LSM14A: variants seen among roughly 807,000 people sequenced by gnomAD.
The protein encoded by LSM14A is protein LSM14 homolog A.
A neutral mutation model predicts 52.4 loss-of-function variants in LSM14A; 14 were observed. The observed-to-expected ratio is 0.27, with a 90% CI of 0.18 to 0.42. The LOEUF (loss-of-function observed/expected upper bound fraction) is 0.42. Ranked by LOEUF, LSM14A falls within the 10% of genes least tolerant of loss-of-function variation. LSM14A has a pLI of 1.00. For synonymous variants in LSM14A, 185 were observed against 200.3 expected, an observed-to-expected ratio of 0.92 and a Z score of 0.64; for missense variants, 417 against 581.8, an observed-to-expected ratio of 0.72 and a Z score of 2.91.
At position 34,184,112 on chromosome 19, in the gene LSM14A, A is replaced by G. The variant is rs558100992; in HGVS notation, c.122-10366A>G. On this transcript the variant is annotated intron_variant, in intron 1 of 9. Transcript: ENST00000544216. The stretch of plus-strand genomic sequence containing the variant: ...CAGTTGTCACCCAGGCTGGAGTGCA[A>G]TGGCGCAATCTTGGCTCACTGCAGC... Among the ~76,000 whole-genome samples the G allele has an allele frequency of 9.9e-4, 148 of 148,774 alleles. 1 individual carries two copies. The highest frequency in any genetic ancestry group is 3.4e-3 in the African/African-American group (137 of 40,316).
intron 2 of LSM14A, 62 bp from the exon 3 acceptor site, chr19:34,196,572 T>C: frequency 6.7e-7 from 1 of 1,488,992 alleles, no homozygotes; most frequent in Admixed American, 2.5e-5. Context: ...ATCTGGAATT[T>C]TTTTTTTCGT....
At chr19:34,206,991 TAAAAC>T (rs1473515351) in intron 3 of LSM14A, among the ~76,000 whole-genome samples, 1 of 152,178 alleles carries the variant, frequency 6.6e-6, no homozygotes, top group Admixed American at 6.5e-5. Context: ...CTCAGATACT[TAAAAC>T]AGAGTACCAA....
At chr19:34,226,395 TTTTAC>T in intron 9 of LSM14A, 3 of 1,491,484 alleles carry the variant, frequency 2.0e-6, no homozygotes, top group East Asian at 5.0e-5. Context: ...TTTTTTTTTT[TTTTAC>T]CTTTCAGAAA....
chr19:34,183,326 G>A (rs1344028316), intron 1 of LSM14A, among the ~76,000 whole-genome samples: 1 of 152,132 alleles, frequency 6.6e-6, no homozygotes, highest in Non-Finnish European at 1.5e-5. Context: ...GCCGAGGCGG[G>A]CGGATTACGA....
At chr19:34,203,054 C>G (rs955480535) in intron 3 of LSM14A, among the ~76,000 whole-genome samples, 3 of 152,184 alleles carry the variant, frequency 2.0e-5, no homozygotes, top group African/African-American at 4.8e-5. Flanking sequence ...TTAAACACCT[C>G]ACAATAAATG....
chr19:34,209,198 G>C, intron 4 of LSM14A, 147 bp downstream of exon 4: 1 of 567,350 alleles, frequency 1.8e-6, no homozygotes, highest in South Asian at 3.4e-5. Flanking sequence ...TCGCTGTATT[G>C]CAATGAATAT....
intron 4 of LSM14A, among the ~76,000 whole-genome samples, chr19:34,214,907 A>G (rs1404113089): frequency 6.6e-6 from 1 of 151,366 alleles, no homozygotes; most frequent in Non-Finnish European, 1.5e-5. Flanking sequence ...GAAGCTGTTG[A>G]AGTTTTTTTT....
chr19:34,177,182 A>T (rs1034633621), intron 1 of LSM14A, among the ~76,000 whole-genome samples: 1 of 152,052 alleles, frequency 6.6e-6, no homozygotes, highest in South Asian at 2.1e-4. Context: ...CATTTTTTCC[A>T]TTTAGTAGTT....
chr19:34,226,447 C>T (rs1489664055), intron 9 of LSM14A: 5 of 1,482,456 alleles, frequency 3.4e-6, no homozygotes, highest in Admixed American at 2.4e-5. Context: ...CTGGATTGAT[C>T]GTACTGCTTT....
At chr19:34,192,316 G>GTTTTTTTTTTGTTTTTTTTTTTTT (rs1306000214) in intron 1 of LSM14A, among the ~76,000 whole-genome samples, 1 of 65,822 alleles carries the variant, frequency 1.5e-5, no homozygotes, top group Non-Finnish European at 2.9e-5. Flanking sequence ...CATTCTTTTT[G>GTTTTTTTTTTGTTTTTTTTTTTTT]TTGTTTTTTT....
chr19:34,186,875 A>G lies in LSM14A; in HGVS notation c.122-7603A>G, dbSNP rs529083118. Among the ~76,000 whole-genome samples the G allele has an allele frequency of 8.5e-5, 13 of 152,240 alleles. No individual in the cohort carries two copies. The South Asian group carries it at 2.7e-3, about 32-fold the overall frequency. ...TCATTTGTTGCTCTCAAATTTTGGTATTCAACAGACTCGTTTCTTTTTCTT... is the reference window on the plus strand; with the variant it reads ...TCATTTGTTGCTCTCAAATTTTGGTGTTCAACAGACTCGTTTCTTTTTCTT... On this transcript the variant is annotated intron_variant, in intron 1 of 9. Coordinates refer to ENST00000544216, the MANE Select transcript of LSM14A (RefSeq NM_015578.4).
At chr19:34,177,960 A>C (rs1230279087) in intron 1 of LSM14A, among the ~76,000 whole-genome samples, 1 of 152,212 alleles carries the variant, frequency 6.6e-6, no homozygotes, top group Admixed American at 6.5e-5. Flanking sequence ...CAGAAGCTCG[A>C]GACCAGTCTG....
At chr19:34,212,730 AT>A (rs1208427048) in intron 4 of LSM14A, among the ~76,000 whole-genome samples, 1 of 152,222 alleles carries the variant, frequency 6.6e-6, no homozygotes, top group African/African-American at 2.4e-5. Context: ...GTATCACAGT[AT>A]CACCTGTATT....
At chr19:34,183,228 A>T (rs1264248531) in intron 1 of LSM14A, among the ~76,000 whole-genome samples, 5 of 152,160 alleles carry the variant, frequency 3.3e-5, no homozygotes. Flanking sequence ...GATAAATCCT[A>T]TCAAAACTAC....
chr19:34,207,606 A>T (rs2071800070), intron 3 of LSM14A, among the ~76,000 whole-genome samples: 1 of 149,782 alleles, frequency 6.7e-6, no homozygotes, highest in Non-Finnish European at 1.5e-5. Context: ...ATATTGGCTC[A>T]TTGCAACCTC....
At chr19:34,194,286 A>G (rs2070687525) in intron 1 of LSM14A, among the ~76,000 whole-genome samples, 192 bp from the exon 2 acceptor site, 1 of 152,242 alleles carries the variant, frequency 6.6e-6, no homozygotes, top group Non-Finnish European at 1.5e-5. Context: ...TTTATATTGC[A>G]TATATTTAAC....
chr19:34,224,172 CAT>C (rs2073215469), intron 9 of LSM14A, among the ~76,000 whole-genome samples: 1 of 151,582 alleles, frequency 6.6e-6, no homozygotes, highest in South Asian at 2.1e-4. Context: ...CTACCAAAAA[CAT>C]AAAAAAAATT....
intron 9 of LSM14A, among the ~76,000 whole-genome samples, chr19:34,222,084 T>A (rs900622634): frequency 1.6e-4 from 24 of 152,232 alleles, no homozygotes; most frequent in Non-Finnish European, 2.4e-4. Flanking sequence ...TTGTTTTAAA[T>A]ATTTTTTTAC....
chr19:34,192,310 C>CTTTTTTTTTTTTTTT (rs1568479681), intron 1 of LSM14A, among the ~76,000 whole-genome samples: 2 of 51,662 alleles, frequency 3.9e-5, no homozygotes, highest in Non-Finnish European at 8.3e-5. Flanking sequence ...AAATAACATT[C>CTTTTTTTTTTTTTTT]TTTTTGTTGT....
Sources: allele counts gnomAD v4.1 joint callset (sites outside exome capture counted in the v4.1 genomes callset), GRCh38; gene constraint gnomAD v4.1.1; transcripts MANE v1.5; gene names NCBI Gene and HGNC (gene_info 2026-07-23, HGNC 2026-07-21).